The following UBE2F variants were observed in gnomAD, a reference collection of about 807,000 sequenced individuals.
UBE2F encodes NEDD8-conjugating enzyme UBE2F.
Under a neutral mutation model 29.6 loss-of-function variants are expected in UBE2F, and 5 were observed. That is an observed-to-expected ratio of 0.17 (90% CI 0.09 to 0.36). The LOEUF (loss-of-function observed/expected upper bound fraction) is 0.36, where lower values mean the gene tolerates loss of function less well. Ranked by LOEUF, UBE2F falls within the 10% of genes least tolerant of loss-of-function variation. The pLI is 1.00. For missense variants in UBE2F, 141 were observed against 228.5 expected (o/e 0.62, Z 2.47); for synonymous variants, 66 against 81.8 (o/e 0.81, Z 1.04).
At chr2:238,017,679 C>G (rs1003981432) in intron 5 of UBE2F, among the ~76,000 whole-genome samples, 2 of 152,186 alleles carry the variant, frequency 1.3e-5, no homozygotes, top group African/African-American at 4.8e-5. Flanking sequence ...GCATGCTTGT[C>G]TTACTGGCGT....
intron 2 of UBE2F, among the ~76,000 whole-genome samples, 159 bp from the exon 3 acceptor site, chr2:237,987,804 T>C (rs1264004155): frequency 2.0e-5 from 3 of 151,850 alleles, no homozygotes; most frequent in African/African-American, 7.3e-5. Context: ...CGAAAGCAGC[T>C]AAATGGCTTA....
At chr2:238,018,215 T>G (rs1202276736) in intron 5 of UBE2F, among the ~76,000 whole-genome samples, 1 of 152,160 alleles carries the variant, frequency 6.6e-6, no homozygotes, top group African/African-American at 2.4e-5. Flanking sequence ...TACAGATGTT[T>G]AGAATTTGGG....
intron 4 of UBE2F, among the ~76,000 whole-genome samples, chr2:238,003,885 A>G (rs1043483703): frequency 2.0e-5 from 3 of 152,222 alleles, no homozygotes; most frequent in African/African-American, 7.2e-5. Flanking sequence ...CATCACCTCA[A>G]AAAGTTGCCT....
At position 237,979,753 on chromosome 2, in the gene UBE2F, G is replaced by A. The variant is rs2063345758; in HGVS notation, c.118+6528G>A. 1.3e-5 allele frequency among the ~76,000 whole-genome samples: 2 copies of A among 152,236 alleles called. 1 individual carries two copies. The highest frequency in any genetic ancestry group is 1.3e-4 in the Admixed American group (2 of 15,288). On this transcript the variant is annotated intron_variant, in intron 2 of 9. Transcript: ENST00000272930. ...GCCCACTGGGCAGGGAGGACCCTGTGTAAGCATAGATGAGGGCTCAAGTTG... is the reference window on the plus strand; with the variant it reads ...GCCCACTGGGCAGGGAGGACCCTGTATAAGCATAGATGAGGGCTCAAGTTG...
chr2:238,010,117 T>G (rs2063988815), intron 4 of UBE2F, among the ~76,000 whole-genome samples: 1 of 152,152 alleles, frequency 6.6e-6, no homozygotes, highest in African/African-American at 2.4e-5. Flanking sequence ...TTATTTGTCA[T>G]TTTTTTATAC....
At chr2:237,979,463 T>G (rs945485780) in intron 2 of UBE2F, among the ~76,000 whole-genome samples, 1 of 152,248 alleles carries the variant, frequency 6.6e-6, no homozygotes, top group African/African-American at 2.4e-5. Flanking sequence ...CTGGAACCAC[T>G]GTCTCCAGCG....
chr2:237,999,950 G>A (rs183085541), intron 4 of UBE2F, among the ~76,000 whole-genome samples: 1 of 151,016 alleles, frequency 6.6e-6, no homozygotes, highest in Admixed American at 6.6e-5. Flanking sequence ...TCAGCCTCCC[G>A]AGTACCTGGG....
intron 4 of UBE2F, among the ~76,000 whole-genome samples, chr2:238,003,898 A>G (rs2063848783): frequency 6.6e-6 from 1 of 152,176 alleles, no homozygotes; most frequent in Admixed American, 6.5e-5. Flanking sequence ...AGTTGCCTCG[A>G]TCTGCTTTGT....
intron 8 of UBE2F, among the ~76,000 whole-genome samples, chr2:238,033,118 G>A (rs1170674953): frequency 6.6e-6 from 1 of 152,188 alleles, no homozygotes; most frequent in Non-Finnish European, 1.5e-5. Flanking sequence ...GTTCTGGTTG[G>A]GGTGGATGAT....
chr2:237,971,467 T>G (rs78813246), intron 1 of UBE2F, among the ~76,000 whole-genome samples: 1 of 152,128 alleles, frequency 6.6e-6, no homozygotes, highest in Non-Finnish European at 1.5e-5. Flanking sequence ...GGACTACAGG[T>G]GTGGGCCACC....
At chr2:238,032,398 A>T in intron 8 of UBE2F, 144 bp downstream of exon 8, 1 of 687,970 alleles carries the variant, frequency 1.5e-6, no homozygotes, top group South Asian at 1.9e-5. Flanking sequence ...CTGTAATCCT[A>T]GCACTTTGGG....
intron 5 of UBE2F, among the ~76,000 whole-genome samples, chr2:238,020,944 A>G (rs542180347): frequency 1.3e-5 from 2 of 152,272 alleles, no homozygotes; most frequent in Admixed American, 1.3e-4. Flanking sequence ...GGTGACGGCT[A>G]TTCCTCAGGC....
intron 5 of UBE2F, among the ~76,000 whole-genome samples, chr2:238,020,005 C>G (rs1291094866): frequency 6.6e-6 from 1 of 152,138 alleles, no homozygotes; most frequent in Non-Finnish European, 1.5e-5. Flanking sequence ...CTCATTCAGG[C>G]AAGTGTGGGG....
chr2:238,042,528 A>G lies in UBE2F; in HGVS notation c.*1190A>G, dbSNP rs1260309092. ...AAAAGCCCTGAAGAGAGGCAAGTGG[A>G]TTTACTCCAGCATGTAGACATTTGA... On this transcript the variant is annotated 3_prime_UTR_variant, in exon 10 of 10. Transcript: ENST00000272930. 6.6e-6 allele frequency: 1 copy of G among 152,212 alleles called. No homozygotes were observed. The highest frequency in any genetic ancestry group is 6.5e-5 in the Admixed American group (1 of 15,278). 9.4% of individuals were successfully genotyped at this position (152,212 alleles called of 1,614,324 possible). A position where few individuals can be genotyped will look rare whatever the true frequency, so the allele number is the denominator to read the frequency against.
chr2:237,974,514 T>G lies in UBE2F; in HGVS notation c.118+1289T>G, dbSNP rs1351038323. ...CAAATTTTTGTGGTTTTTTTTTTTT[T>G]GTTTTTTTTTTTTTTTTGAGATGGA... On this transcript the variant is annotated intron_variant, in intron 2 of 9. Coordinates refer to ENST00000272930, the MANE Select transcript of UBE2F (RefSeq NM_080678.3). Among the ~76,000 whole-genome samples, 136 of 102,248 alleles carry G rather than the reference T, an allele frequency of 1.3e-3. 1 individual carries two copies. Among genetic ancestry groups the G allele is most frequent in the East Asian group, 3.4e-3 (10 of 2,984 alleles). 67.1% of individuals were successfully genotyped at this position (102,248 alleles called of 152,430 possible).
intron 4 of UBE2F, among the ~76,000 whole-genome samples, chr2:238,014,690 C>T (rs1439758218): frequency 6.6e-6 from 1 of 152,192 alleles, no homozygotes; most frequent in Non-Finnish European, 1.5e-5. Flanking sequence ...TGTAACAGTT[C>T]ACAGAGTGGA....
rs960960201 is a variant in UBE2F, at chr2:237,967,053, G to T, written c.-96G>T. ...CGCCGGGAGCCGGTGCGGCTGTGAG[G>T]GGCCGCGTCTCGCAGCAGCCGCCCG... On this transcript the variant is annotated 5_prime_UTR_variant, in exon 1 of 10. Coordinates refer to ENST00000272930, the MANE Select transcript of UBE2F (RefSeq NM_080678.3). The surrounding 1 kb of genome is among the most constrained non-coding windows in gnomAD (Gnocchi z 6.3). 9 of 1,316,788 alleles carry T rather than the reference G, an allele frequency of 6.8e-6. No individual in the cohort carries two copies. The African/African-American group carries it at 1.1e-4, about 16-fold the overall frequency. 81.6% of individuals were successfully genotyped at this position (1,316,788 alleles called of 1,614,324 possible). A position where few individuals can be genotyped will look rare whatever the true frequency, so the allele number is the denominator to read the frequency against.
chr2:238,028,449 G>C (rs1270421333), intron 6 of UBE2F, among the ~76,000 whole-genome samples: 2 of 152,228 alleles, frequency 1.3e-5, no homozygotes, highest in African/African-American at 4.8e-5. Context: ...ATAAGAAAAT[G>C]ATTAGCTAGA....
intron 2 of UBE2F, among the ~76,000 whole-genome samples, chr2:237,980,483 A>T (rs1025713303): frequency 6.6e-6 from 1 of 151,910 alleles, no homozygotes; most frequent in African/African-American, 2.4e-5. Context: ...TGTTTTTTTT[A>T]AATAACAGCA....
Sources: gnomAD v4.1 joint callset for allele counts (sites outside exome capture counted in the v4.1 genomes callset) on GRCh38, gnomAD v4.1.1 for gene constraint, Gnocchi (gnomAD v3.1) non-coding constraint, MANE v1.5 for transcripts, NCBI Gene and HGNC (gene_info 2026-07-23, HGNC 2026-07-21) for gene names.